UTRN: variants seen among roughly 807,000 people sequenced by gnomAD.
The protein encoded by UTRN is dystrophin-related protein 1.
Under a neutral mutation model 463.9 loss-of-function variants are expected in UTRN, and 283 were observed. The observed-to-expected ratio is 0.61, with a 90% CI of 0.55 to 0.67. The LOEUF (loss-of-function observed/expected upper bound fraction) is 0.67, where lower values mean the gene tolerates loss of function less well. Among genes scored for constraint, UTRN ranks in the 30% least tolerant of loss-of-function variants. The probability of loss-of-function intolerance (pLI) is 0.00; values close to 1 mark genes in which losing one functional copy is unlikely to be tolerated. For missense variants in UTRN, 3,922 were observed against 4,084.3 expected, an observed-to-expected ratio of 0.96 and a Z score of 1.08; for synonymous variants, 1,442 against 1,431.5, an observed-to-expected ratio of 1.01 and a Z score of -0.17.
chr6:144,818,811 A>G (rs79808084), intron 65 of UTRN, among the ~76,000 whole-genome samples: 222 of 152,116 alleles, frequency 1.5e-3, no homozygotes, highest in African/African-American at 5.2e-3. Flanking sequence ...ATAGTAGATG[A>G]TATATCCTTT....
At chr6:144,475,823 C>T (rs1203824530) in intron 25 of UTRN, among the ~76,000 whole-genome samples, 2 of 152,052 alleles carry the variant, frequency 1.3e-5, no homozygotes, top group African/African-American at 4.8e-5. Context: ...TGCTTGTAAT[C>T]CCAGTACTTT....
intron 51 of UTRN, among the ~76,000 whole-genome samples, chr6:144,631,741 C>T (rs1210787626): frequency 1.3e-5 from 2 of 152,058 alleles, no homozygotes; most frequent in African/African-American, 4.8e-5. Flanking sequence ...GGGCTTTGGG[C>T]TCTATCTTCT....
chr6:144,469,358 A>T (rs1010137473), intron 23 of UTRN, among the ~76,000 whole-genome samples: 4 of 152,176 alleles, frequency 2.6e-5, no homozygotes, highest in Admixed American at 6.5e-5. Context: ...TTAGTATAAT[A>T]ATCGCTACCA....
intron 2 of UTRN, among the ~76,000 whole-genome samples, chr6:144,323,327 T>C (rs1302554702): frequency 6.6e-6 from 1 of 152,206 alleles, no homozygotes; most frequent in Non-Finnish European, 1.5e-5. Flanking sequence ...TTTATGAGTA[T>C]TCCAACATCA....
chr6:144,401,729 A>C (rs1430007523), intron 2 of UTRN, among the ~76,000 whole-genome samples: 1 of 152,172 alleles, frequency 6.6e-6, no homozygotes, highest in East Asian at 1.9e-4. Flanking sequence ...TTTTAATTAC[A>C]AACTCTCCTT....
chr6:144,483,302 T>A (rs1299632714), intron 27 of UTRN, among the ~76,000 whole-genome samples: 1 of 152,198 alleles, frequency 6.6e-6, no homozygotes, highest in East Asian at 1.9e-4. Flanking sequence ...CTTCTTTGAG[T>A]CATTTTTTCT....
At chr6:144,320,293 G>C (rs201349863) in intron 2 of UTRN, among the ~76,000 whole-genome samples, 1 of 152,156 alleles carries the variant, frequency 6.6e-6, no homozygotes, top group African/African-American at 2.4e-5. Context: ...TGTTGCTTTT[G>C]TTATTATTAT....
chr6:144,662,178 C>T (rs1289439908), intron 51 of UTRN, among the ~76,000 whole-genome samples: 3 of 152,076 alleles, frequency 2.0e-5, no homozygotes, highest in African/African-American at 7.2e-5. Context: ...AGGAAGTTGT[C>T]GTACATGAAT....
intron 50 of UTRN, among the ~76,000 whole-genome samples, chr6:144,561,707 A>C (rs1046447354): frequency 1.3e-5 from 2 of 152,108 alleles, no homozygotes; most frequent in African/African-American, 4.8e-5. Flanking sequence ...TCACCGAGTC[A>C]CCATTTCCTT....
chr6:144,782,035 G>C lies in UTRN; in HGVS notation c.8746G>C (p.Asp2916His), dbSNP rs1365521400. The C allele has an allele frequency of 6.2e-7, 1 of 1,614,032 alleles. No homozygotes were observed. Among genetic ancestry groups the C allele is most frequent in the South Asian group, 1.1e-5 (1 of 91,066 alleles). The change falls in exon 61 of 75, where the codon GAT (aspartate) becomes CAT (histidine). Residue 2916 changes from aspartate to histidine, a missense_variant. This residue lies in a region of UTRN where 1,309 missense variants were observed against 1,452.6 expected (regional missense o/e 0.90). Transcript: ENST00000367545. The part of the protein sequence containing the change: ...DVINCLTTTY[D>H]GLEQMHKDLV... ...CATCAACTGTCTGACAACAACTTAT[G>C]ATGGACTTGAGCAAATGCATAAGGA...
At chr6:144,377,309 T>G (rs1351527366) in intron 2 of UTRN, among the ~76,000 whole-genome samples, 4 of 152,206 alleles carry the variant, frequency 2.6e-5, no homozygotes, top group African/African-American at 9.6e-5. Flanking sequence ...AGTGCTGGGA[T>G]TACAGGTGTG....
At position 144,531,192 on chromosome 6, in the gene UTRN, T is replaced by C. The variant is rs760984851; in HGVS notation, c.6047T>C (p.Ile2016Thr). The change falls in exon 42 of 75, where the codon ATA becomes ACA. Residue 2016 changes from isoleucine (I) to threonine (T), a missense_variant. By Grantham distance (89) the Ile-to-Thr change is moderately conservative (BLOSUM62 -1). This residue lies in a region of UTRN where 2,349 missense variants were observed against 2,303.8 expected (regional missense o/e 1.02). Transcript: ENST00000367545. ...AGCCTGGACTTAGAGAAAGCCAGGA[T>C]ACATCAGCAGGTGAGTGCTTTCTGT... ...GGSLDLEKAR[I>T]HQQELEVGIS... 1.9e-6 allele frequency: 3 copies of C among 1,613,836 alleles called. No individual in the cohort carries two copies. In the South Asian group the frequency reaches 3.3e-5, roughly 18 times the overall value.
At chr6:144,723,408 T>G (rs897312252) in intron 53 of UTRN, among the ~76,000 whole-genome samples, 2 of 152,216 alleles carry the variant, frequency 1.3e-5, no homozygotes, top group African/African-American at 4.8e-5. Context: ...TGAGAGCATT[T>G]CTCCCATAAT....
At chr6:144,427,967 C>G (rs1430810733) in intron 7 of UTRN, among the ~76,000 whole-genome samples, 1 of 152,004 alleles carries the variant, frequency 6.6e-6, no homozygotes, top group African/African-American at 2.4e-5. Flanking sequence ...GCAGAGGAGG[C>G]ACTTGGCATC....
chr6:144,565,933 A>C (rs536349564), intron 50 of UTRN, among the ~76,000 whole-genome samples: 1 of 145,056 alleles, frequency 6.9e-6, no homozygotes, highest in African/African-American at 2.9e-5. Context: ...TTTTCTGTTA[A>C]AATGGATTAT....
intron 29 of UTRN, among the ~76,000 whole-genome samples, chr6:144,488,233 G>C (rs1792675436): frequency 6.6e-6 from 1 of 152,014 alleles, no homozygotes; most frequent in African/African-American, 2.4e-5. Context: ...GTAAATAGTA[G>C]TTTGATATGT....
At chr6:144,494,138 G>A (rs1422045404) in intron 33 of UTRN, among the ~76,000 whole-genome samples, 1 of 152,202 alleles carries the variant, frequency 6.6e-6, no homozygotes, top group African/African-American at 2.4e-5. Context: ...TCTGGAATTG[G>A]TGGGTTCTTG....
At chr6:144,559,531 C>A (rs1335929847) in intron 50 of UTRN, among the ~76,000 whole-genome samples, 1 of 151,996 alleles carries the variant, frequency 6.6e-6, no homozygotes, top group African/African-American at 2.4e-5. Flanking sequence ...TCTTTCTTTG[C>A]CTTCTTAAAG....
intron 2 of UTRN, among the ~76,000 whole-genome samples, chr6:144,301,305 A>G (rs1457802113): frequency 1.3e-5 from 2 of 152,150 alleles, no homozygotes; most frequent in Non-Finnish European, 2.9e-5. Context: ...GAACTTGCAT[A>G]CGCTTTTTCA....
Sources: allele counts gnomAD v4.1 joint callset (sites outside exome capture counted in the v4.1 genomes callset), GRCh38; gene constraint gnomAD v4.1.1; regional missense constraint gnomAD v4.1.1; transcripts MANE v1.5; gene names NCBI Gene and HGNC (gene_info 2026-07-23, HGNC 2026-07-21).